ARHGEF38: variants seen among roughly 807,000 people sequenced by gnomAD.
ARHGEF38 encodes Rho guanine nucleotide exchange factor (GEF) 38.
A neutral mutation model predicts 79.9 loss-of-function variants in ARHGEF38; 79 were observed. That is an observed-to-expected ratio of 0.99 (90% CI 0.82 to 1.19). ARHGEF38 has a LOEUF of 1.19. ARHGEF38 is among the 50% of genes most tolerant of loss of function. The pLI, the probability that ARHGEF38 is intolerant of heterozygous loss-of-function variation, is 0.00. For missense variants in ARHGEF38, 962 were observed against 907.2 expected, an observed-to-expected ratio of 1.06 and a Z score of -0.78; for synonymous variants, 366 against 328.3, an observed-to-expected ratio of 1.11 and a Z score of -1.24.
At chr4:105,600,964 C>T (rs1005110943) in intron 2 of ARHGEF38, among the ~76,000 whole-genome samples, 1 of 152,108 alleles carries the variant, frequency 6.6e-6, no homozygotes, top group Admixed American at 6.6e-5. Context: ...GTTCAAGAAC[C>T]TATCAATAAC....
chr4:105,640,522 G>T (rs769773204), intron 5 of ARHGEF38, among the ~76,000 whole-genome samples: 1 of 152,046 alleles, frequency 6.6e-6, no homozygotes, highest in Admixed American at 6.6e-5. Context: ...CTCCAGTCCA[G>T]TTGGACTGGT....
intron 1 of ARHGEF38, among the ~76,000 whole-genome samples, chr4:105,554,577 GTACC>G (rs1466548674): frequency 1.3e-5 from 2 of 152,064 alleles, no homozygotes; most frequent in Non-Finnish European, 2.9e-5. Flanking sequence ...TGATGAATAT[GTACC>G]ATGAGAATTT....
At position 105,611,064 on chromosome 4, in the gene ARHGEF38, T is replaced by C. The variant is rs542875817; in HGVS notation, c.385-2320T>C. Among the ~76,000 whole-genome samples, 21 of 152,270 alleles carry C rather than the reference T, an allele frequency of 1.4e-4. 1 individual carries two copies. In the South Asian group the frequency reaches 4.3e-3, roughly 32 times the overall value. On this transcript the variant is annotated intron_variant, in intron 2 of 13. Transcript: ENST00000420470. ...TGCATAAGTTTGAGCATGGCTCCTT[T>C]CTTCACCCTGCATTATTTTCTGTAT...
chr4:105,612,125 C>A (rs1327986111), intron 2 of ARHGEF38, among the ~76,000 whole-genome samples: 6 of 151,998 alleles, frequency 3.9e-5, no homozygotes, highest in Non-Finnish European at 8.8e-5. Flanking sequence ...GTGGATGGGA[C>A]AATGTCAAAA....
chr4:105,622,846 C>A (rs1349145105), intron 3 of ARHGEF38, among the ~76,000 whole-genome samples: 1 of 152,138 alleles, frequency 6.6e-6, no homozygotes, highest in Non-Finnish European at 1.5e-5. Context: ...ATATCTCATT[C>A]TATTTTGCAC....
At chr4:105,641,633 T>A (rs1215765947) in intron 5 of ARHGEF38, among the ~76,000 whole-genome samples, 1 of 152,094 alleles carries the variant, frequency 6.6e-6, no homozygotes, top group Non-Finnish European at 1.5e-5. Context: ...AAATTCAAAG[T>A]AATATAGTTA....
chr4:105,580,630 A>T (rs1726741271), intron 1 of ARHGEF38, among the ~76,000 whole-genome samples: 2 of 152,192 alleles, frequency 1.3e-5, no homozygotes, highest in South Asian at 4.1e-4. Flanking sequence ...GCATAATTAT[A>T]TGTCTGATTT....
At chr4:105,574,991 T>TACAC (rs1445828628) in intron 1 of ARHGEF38, among the ~76,000 whole-genome samples, 5 of 93,684 alleles carry the variant, frequency 5.3e-5, no homozygotes, top group Admixed American at 3.8e-4. Context: ...TATATATATG[T>TACAC]ACACACATAC....
chr4:105,599,139 G>A (rs1235548027), intron 2 of ARHGEF38, among the ~76,000 whole-genome samples: 1 of 152,014 alleles, frequency 6.6e-6, no homozygotes, highest in Non-Finnish European at 1.5e-5. Flanking sequence ...TCTTTTTATG[G>A]GAAGGAAATC....
At position 105,648,668 on chromosome 4, in the gene ARHGEF38, A is replaced by G; in HGVS notation, c.994A>G (p.Arg332Gly). ...GACAAATCATCTGAAGATTCTGACC[A>G]GAGGAGAATCACAGGTAATTTTTCT... Reference protein sequence around the residue: ...RVTNHLKILTRGESQVKDNTF... With the variant: ...RVTNHLKILTGGESQVKDNTF... Residue 332 changes from arginine (R) to glycine (G), a missense_variant, in exon 7 of 14, where the codon AGA (arginine) becomes GGA (glycine). Physicochemically the swap from Arg to Gly is moderately radical, Grantham distance 125 (BLOSUM62 -2). Transcript: ENST00000420470. 1 of 1,519,888 alleles carries G rather than the reference A, an allele frequency of 6.6e-7. No individual in the cohort carries two copies. Among genetic ancestry groups the G allele is most frequent in the Non-Finnish European group, 8.8e-7 (1 of 1,141,654 alleles). The allele number at this position is 1,519,888 out of a possible 1,614,324, so 94.2% of individuals were successfully genotyped here.
chr4:105,626,904 G>A (rs539663035), intron 3 of ARHGEF38, among the ~76,000 whole-genome samples: 5 of 151,308 alleles, frequency 3.3e-5, no homozygotes, highest in African/African-American at 1.2e-4. Flanking sequence ...ATCATTCCAA[G>A]TTTCTGAACA....
chr4:105,584,266 G>T (rs1316034717), intron 1 of ARHGEF38, among the ~76,000 whole-genome samples: 2 of 152,134 alleles, frequency 1.3e-5, no homozygotes, highest in Non-Finnish European at 2.9e-5. Flanking sequence ...TATGTGCATG[G>T]AGATATTTTG....
At chr4:105,596,181 T>C (rs17035905) in intron 2 of ARHGEF38, among the ~76,000 whole-genome samples, 1,906 of 152,178 alleles carry the variant, frequency 0.013, 34 homozygotes, top group African/African-American at 0.044. Context: ...TATTGAGCAA[T>C]GGTTCTGTGT....
At chr4:105,611,146 A>G (rs1338815100) in intron 2 of ARHGEF38, among the ~76,000 whole-genome samples, 1 of 152,132 alleles carries the variant, frequency 6.6e-6, no homozygotes, top group African/African-American at 2.4e-5. Context: ...AATAATAAAC[A>G]TGAAACACTT....
chr4:105,629,446 T>C (rs1263795965), intron 3 of ARHGEF38, among the ~76,000 whole-genome samples: 1 of 152,050 alleles, frequency 6.6e-6, no homozygotes, highest in Non-Finnish European at 1.5e-5. Flanking sequence ...GAAAAACATG[T>C]TGAAAATACT....
intron 10 of ARHGEF38, among the ~76,000 whole-genome samples, chr4:105,662,485 T>C (rs1730597719): frequency 6.6e-6 from 1 of 152,276 alleles, no homozygotes; most frequent in Admixed American, 6.5e-5. Flanking sequence ...ATTTTAAGGC[T>C]CCAAATAAAT....
chr4:105,629,276 C>T (rs1729083919), intron 3 of ARHGEF38, among the ~76,000 whole-genome samples: 1 of 152,068 alleles, frequency 6.6e-6, no homozygotes, highest in Admixed American at 6.5e-5. Context: ...GTGCTAAAAT[C>T]CAGGGAAAAA....
intron 2 of ARHGEF38, among the ~76,000 whole-genome samples, chr4:105,599,005 C>T (rs1413669977): frequency 1.3e-5 from 2 of 152,188 alleles, no homozygotes; most frequent in Non-Finnish European, 2.9e-5. Context: ...CACTTACTTT[C>T]CCATTTTCCC....
intron 1 of ARHGEF38, among the ~76,000 whole-genome samples, chr4:105,560,233 T>C (rs1005394771): frequency 1.3e-5 from 2 of 152,208 alleles, no homozygotes. Context: ...ATAAATACTT[T>C]TTTTGTTTAG....
Sources: allele counts gnomAD v4.1 joint callset (sites outside exome capture counted in the v4.1 genomes callset), GRCh38; gene constraint gnomAD v4.1.1; transcripts MANE v1.5; gene names NCBI Gene and HGNC (gene_info 2026-07-23, HGNC 2026-07-21).